Variants in SPAG16 observed in about 807,000 individuals in gnomAD.
The protein encoded by SPAG16 is sperm associated antigen 16, also known as sperm-associated antigen 16 protein.
Under a neutral mutation model 80.4 loss-of-function variants are expected in SPAG16, and 86 were observed. That is an observed-to-expected ratio of 1.07 (90% CI 0.90 to 1.28). The LOEUF is 1.28. Ranked by LOEUF, SPAG16 falls within the 50% of genes most tolerant of loss-of-function variation. The pLI is 0.00. For missense variants in SPAG16, 870 were observed against 765.3 expected (o/e 1.14, Z -1.61); for synonymous variants, 294 against 265.9 (o/e 1.11, Z -1.03).
chr2:213,350,341 C>CACCCTCA (rs2065258487), intron 6 of SPAG16, among the ~76,000 whole-genome samples, 187 bp from the exon 7 acceptor site: 1 of 152,148 alleles, frequency 6.6e-6, no homozygotes. Context: ...CTGCACCCTC[C>CACCCTCA]ACCCTCAAGT....
intron 15 of SPAG16, among the ~76,000 whole-genome samples, chr2:214,248,793 C>G (rs1189778154): frequency 6.6e-6 from 1 of 151,968 alleles, no homozygotes; most frequent in African/African-American, 2.4e-5. Context: ...AAGAGAATAG[C>G]AAGTGACAAA....
chr2:214,233,135 G>C (rs575005264), intron 15 of SPAG16, among the ~76,000 whole-genome samples: 2 of 152,032 alleles, frequency 1.3e-5, no homozygotes, highest in Non-Finnish European at 2.9e-5. Flanking sequence ...AAAAAGGGGG[G>C]GCCATAAGTG....
At position 213,375,087 on chromosome 2, in the gene SPAG16, A is replaced by C; in HGVS notation, c.910A>C (p.Lys304Gln). Residue 304 changes from lysine (K) to glutamine (Q), a missense_variant, in exon 9 of 16, where the codon AAA (lysine) becomes CAA (glutamine). Transcript: ENST00000331683. Reference sequence around the variant, plus strand: ...TCTTCGTGAAGCCAGGGAACAAAACAAATGTAAAACAAAGATGAAAGGCAA... The same window carrying C: ...TCTTCGTGAAGCCAGGGAACAAAACCAATGTAAAACAAAGATGAAAGGCAA... ...KGLREAREQNKCKTKMKGNTK... is the reference protein window; with the variant it reads ...KGLREAREQNQCKTKMKGNTK... 5.0e-6 allele frequency: 8 copies of C among 1,608,800 alleles called. No individual in the cohort carries two copies. Among genetic ancestry groups the C allele is most frequent in the Non-Finnish European group, 6.8e-6 (8 of 1,178,184 alleles).
At chr2:213,922,190 T>A (rs2106212123) in intron 11 of SPAG16, among the ~76,000 whole-genome samples, 1 of 152,320 alleles carries the variant, frequency 6.6e-6, no homozygotes, top group African/African-American at 2.4e-5. Flanking sequence ...ATTTACATAA[T>A]CCTATATCTT....
chr2:213,604,920 TTTTA>T (rs1321184453), intron 10 of SPAG16, among the ~76,000 whole-genome samples: 1 of 148,934 alleles, frequency 6.7e-6, no homozygotes, highest in Non-Finnish European at 1.5e-5. Context: ...TAAATATTTA[TTTTA>T]TTTATATTAT....
intron 6 of SPAG16, among the ~76,000 whole-genome samples, chr2:213,348,091 T>A (rs1559438113): frequency 6.6e-6 from 1 of 152,172 alleles, no homozygotes; most frequent in Non-Finnish European, 1.5e-5. Context: ...GCACATATAT[T>A]TAGGATAGTT....
chr2:214,118,987 A>G (rs947208075), intron 14 of SPAG16, among the ~76,000 whole-genome samples: 4 of 152,212 alleles, frequency 2.6e-5, no homozygotes, highest in African/African-American at 9.6e-5. Context: ...TATTCTTACC[A>G]TAAAGAAATG....
intron 12 of SPAG16, among the ~76,000 whole-genome samples, chr2:213,944,556 A>G (rs1275885819): frequency 6.6e-6 from 1 of 152,210 alleles, no homozygotes; most frequent in Non-Finnish European, 1.5e-5. Flanking sequence ...TCAACCATAT[A>G]TAATTTAGAT....
intron 10 of SPAG16, among the ~76,000 whole-genome samples, chr2:213,498,322 A>AT (rs1395724728): frequency 8.6e-5 from 13 of 151,746 alleles, no homozygotes; most frequent in Admixed American, 6.6e-4. Context: ...TGACTTACTT[A>AT]TTTTTTTTAT....
intron 12 of SPAG16, among the ~76,000 whole-genome samples, chr2:213,941,095 C>T (rs865888506): frequency 3.7e-4 from 56 of 152,244 alleles, no homozygotes; most frequent in African/African-American, 1.1e-3. Flanking sequence ...CCGCAAAATG[C>T]CATCCCTTAT....
At chr2:213,315,436 C>T (rs1049679090) in intron 4 of SPAG16, among the ~76,000 whole-genome samples, 2 of 151,820 alleles carry the variant, frequency 1.3e-5, no homozygotes, top group South Asian at 2.1e-4. Flanking sequence ...GTAATCGTCC[C>T]GCTTTTACCT....
At chr2:213,898,492 G>T (rs527389227) in intron 11 of SPAG16, among the ~76,000 whole-genome samples, 107 of 152,192 alleles carry the variant, frequency 7.0e-4, no homozygotes, top group Admixed American at 1.5e-3. Flanking sequence ...TATTAGAAAC[G>T]TGATGGAGAA....
intron 13 of SPAG16, among the ~76,000 whole-genome samples, chr2:214,096,407 T>G (rs1039963385): frequency 6.6e-6 from 1 of 152,050 alleles, no homozygotes; most frequent in Admixed American, 6.6e-5. Context: ...CAAAGGCTCA[T>G]TTTCATCAAA....
At chr2:213,530,234 T>C (rs999820650) in intron 10 of SPAG16, among the ~76,000 whole-genome samples, 1 of 152,210 alleles carries the variant, frequency 6.6e-6, no homozygotes, top group Non-Finnish European at 1.5e-5. Context: ...TTATGTTCTG[T>C]ACATAATCAT....
At chr2:213,782,331 G>A (rs1392881091) in intron 10 of SPAG16, among the ~76,000 whole-genome samples, 1 of 152,024 alleles carries the variant, frequency 6.6e-6, no homozygotes, top group African/African-American at 2.4e-5. Flanking sequence ...AGATTATATG[G>A]AAACAGGGAA....
chr2:213,674,833 C>T lies in SPAG16; in HGVS notation c.1070+184743C>T, dbSNP rs551902908. Among the ~76,000 whole-genome samples, 188 of 149,956 alleles carry T rather than the reference C, an allele frequency of 1.3e-3. 1 individual carries two copies. Among genetic ancestry groups the T allele is most frequent in the African/African-American group, 4.3e-3 (171 of 39,478 alleles). On this transcript the variant is annotated intron_variant, in intron 10 of 15. Coordinates refer to ENST00000331683, the MANE Select transcript of SPAG16 (RefSeq NM_024532.5). ...AAGTCTTTGCTATTGTGAATAGTGC[C>T]GCGATAAACATACGTGTGCATGTGT... is the stretch of plus-strand genomic sequence containing the variant.
At chr2:213,322,356 A>AG (rs1491383412) in intron 5 of SPAG16, among the ~76,000 whole-genome samples, 6 of 28,928 alleles carry the variant, frequency 2.1e-4, no homozygotes, top group Non-Finnish European at 4.1e-4. Flanking sequence ...AAAAAAAAAA[A>AG]CAAAAAACTC....
At chr2:213,803,439 C>T (rs1455018664) in intron 10 of SPAG16, among the ~76,000 whole-genome samples, 1 of 152,092 alleles carries the variant, frequency 6.6e-6, no homozygotes, top group Non-Finnish European at 1.5e-5. Flanking sequence ...ACAGATTTTA[C>T]CTTGGAATTG....
intron 9 of SPAG16, among the ~76,000 whole-genome samples, chr2:213,413,582 T>C (rs1300255978): frequency 6.6e-6 from 1 of 152,164 alleles, no homozygotes; most frequent in African/African-American, 2.4e-5. Flanking sequence ...AAATATTATT[T>C]ATATTTTAAA....
Sources: allele counts gnomAD v4.1 joint callset (sites outside exome capture counted in the v4.1 genomes callset), GRCh38; gene constraint gnomAD v4.1.1; transcripts MANE v1.5; gene names NCBI Gene and HGNC (gene_info 2026-07-23, HGNC 2026-07-21).